ANKRD24: variants seen among roughly 807,000 people sequenced by gnomAD.
The protein encoded by ANKRD24 is ankyrin repeat domain 24.
ANKRD24 carries 109 observed loss-of-function variants against 127.8 expected under a neutral mutation model. The ratio of observed to expected loss-of-function variants is 0.85; its 90% CI spans 0.73 to 1.00. The LOEUF is 1.00. Among genes scored for constraint, ANKRD24 ranks in the 50% least tolerant of loss-of-function variants. ANKRD24 has a pLI of 0.00. For synonymous variants in ANKRD24, 743 were observed against 671.1 expected (o/e 1.11, Z -1.66); for missense variants, 1,648 against 1,570.2 (o/e 1.05, Z -0.84).
rs1342770939 is a variant in ANKRD24, at chr19:4,186,376, C to T, written c.-36-14C>T. On this transcript the variant is annotated splice_polypyrimidine_tract_variant and intron_variant, in intron 1 of 21. Transcript: ENST00000318934. ...TGGTGTCCCTCACCTTACCCCCACCCTTGCCCTCCTCAGGTGGCCTGTGGA... is the reference window on the plus strand; with the variant it reads ...TGGTGTCCCTCACCTTACCCCCACCTTTGCCCTCCTCAGGTGGCCTGTGGA... 1.9e-6 allele frequency: 3 copies of T among 1,562,828 alleles called. No individual in the cohort carries two copies. The highest frequency in any genetic ancestry group is 1.9e-5 in the Admixed American group (1 of 52,442).
chr19:4,198,524 T>C lies in ANKRD24; in HGVS notation c.37-1159T>C. 1 of 604,348 alleles carries C rather than the reference T, an allele frequency of 1.7e-6. No homozygotes were observed. Among genetic ancestry groups the C allele is most frequent in the Non-Finnish European group, 3.0e-6 (1 of 335,966 alleles). 37.4% of individuals were successfully genotyped at this position (604,348 alleles called of 1,614,324 possible). A position where few individuals can be genotyped will look rare whatever the true frequency, so the allele number is the denominator to read the frequency against. On this transcript the variant is annotated intron_variant, in intron 2 of 21. Transcript: ENST00000318934. The surrounding 1 kb of genome is among the most constrained non-coding windows in gnomAD (Gnocchi z 6.1). ...GCAGCTGTGTCTGTGCGCAGCCGCCTCCTTCGCGGTAGGGCCCGGGGAGGG... is the reference window on the plus strand; with the variant it reads ...GCAGCTGTGTCTGTGCGCAGCCGCCCCCTTCGCGGTAGGGCCCGGGGAGGG...
At chr19:4,205,740 C>T (rs1228664322) in intron 7 of ANKRD24, among the ~76,000 whole-genome samples, 4 of 152,058 alleles carry the variant, frequency 2.6e-5, no homozygotes, top group South Asian at 2.1e-4. Flanking sequence ...CCCAGCTACT[C>T]GGGAGGCTGA....
chr19:4,216,386 T>G lies in ANKRD24; in HGVS notation c.1373T>G (p.Leu458Arg). Residue 458 changes from leucine to arginine, a missense_variant, in exon 17 of 22, where the codon CTG becomes CGG. Leu to Arg is a moderately radical substitution (Grantham distance 102). Coordinates refer to ENST00000318934, the MANE Select transcript of ANKRD24 (RefSeq NM_001393985.1). ...GTGCTCACCAGACAGAACCAGGAAC[T>G]GATGGAGAAGGTCCAGGTAGGGAAA... is the stretch of plus-strand genomic sequence containing the variant. ...VAVLTRQNQE[L>R]MEKVQILENF... 1 of 1,571,282 alleles carries G rather than the reference T, an allele frequency of 6.4e-7. No homozygotes were observed. The highest frequency in any genetic ancestry group is 8.6e-7 in the Non-Finnish European group (1 of 1,158,342).
Position 4,217,869 on chromosome 19 carries a change from G to C in ANKRD24, c.2709G>C (p.Arg903=). 1 of 1,460,664 alleles carries C rather than the reference G, an allele frequency of 6.8e-7. No homozygotes were observed. The highest frequency in any genetic ancestry group is 1.3e-5 in the South Asian group (1 of 76,310). 90.5% of individuals were successfully genotyped at this position (1,460,664 alleles called of 1,614,324 possible). A position where few individuals can be genotyped will look rare whatever the true frequency, so the allele number is the denominator to read the frequency against. Reference sequence around the variant, plus strand: ...CGCGGCAGGGCCTGGCCGAGCTGCGGGAGGCCTCCGAGGCCCTCCGCCAGT... The same window carrying C: ...CGCGGCAGGGCCTGGCCGAGCTGCGCGAGGCCTCCGAGGCCCTCCGCCAGT... ...EEARQGLAEL[R]EASEALRQSV... Residue 903 remains arginine, a synonymous_variant, in exon 18 of 22, where the codon CGG becomes CGC. Transcript: ENST00000318934.
intron 13 of ANKRD24, 69 bp from the exon 14 acceptor site, chr19:4,212,406 T>C: frequency 6.6e-7 from 1 of 1,518,002 alleles, no homozygotes; most frequent in East Asian, 2.4e-5. Flanking sequence ...ATGGAGGCTA[T>C]GAAGCAGGAG....
chr19:4,197,039 G>C (rs1272019067), intron 2 of ANKRD24, among the ~76,000 whole-genome samples: 1 of 152,152 alleles, frequency 6.6e-6, no homozygotes, highest in Non-Finnish European at 1.5e-5. Flanking sequence ...CTGTATGCTA[G>C]GCACTGGTCG....
chr19:4,208,720 G>A (rs770512940), intron 10 of ANKRD24, 44 bp from the exon 11 acceptor site: 9 of 1,598,774 alleles, frequency 5.6e-6, no homozygotes, highest in Non-Finnish European at 7.7e-6. Context: ...GCCCTTCCTG[G>A]GCCTGGGAAC....
Position 4,198,262 on chromosome 19 carries a change from A to AGCCCCCT in ANKRD24, c.37-1420_37-1414dup. 2.2e-6 allele frequency: 1 copy of AGCCCCCT among 449,668 alleles called. No homozygotes were observed. The highest frequency in any genetic ancestry group is 3.7e-5 in the East Asian group (1 of 26,866). The allele number at this position is 449,668 out of a possible 1,614,324, so 27.9% of individuals were successfully genotyped here. On this transcript the variant is annotated intron_variant, in intron 2 of 21. Coordinates refer to ENST00000318934, the MANE Select transcript of ANKRD24 (RefSeq NM_001393985.1). The surrounding 1 kb of genome is among the most constrained non-coding windows in gnomAD (Gnocchi z 6.1). ...CCCCTTCCCTCAGCCCCCAGCCCCC[A>AGCCCCCT]GCCCCCTACCTGGGTCTTCCCATTC...
At chr19:4,200,448 A>G (rs1969036508) in intron 5 of ANKRD24, among the ~76,000 whole-genome samples, 1 of 151,860 alleles carries the variant, frequency 6.6e-6, no homozygotes, top group East Asian at 1.9e-4. Context: ...TGGATGGGGA[A>G]GTAGCTGGCA....
In ANKRD24 at chr19:4,217,478, G is replaced by T; in HGVS notation, c.2318G>T (p.Gly773Val). Residue 773 changes from glycine to valine, a missense_variant, in exon 18 of 22, where the codon GGC (glycine) becomes GTC (valine). By Grantham distance (109) the Gly-to-Val change is moderately radical (BLOSUM62 -3). Transcript: ENST00000318934. Reference protein sequence around the residue: ...RLRERVREAEGSGASGGGGGD... With the variant: ...RLRERVREAEVSGASGGGGGD... ...CGAGAGCGTGTCCGCGAGGCCGAGG[G>T]CAGCGGGGCCAGCGGGGGCGGTGGC... 1 of 1,440,204 alleles carries T rather than the reference G, an allele frequency of 6.9e-7. No individual in the cohort carries two copies. Among genetic ancestry groups the T allele is most frequent in the Non-Finnish European group, 9.1e-7 (1 of 1,101,502 alleles). 89.2% of individuals were successfully genotyped at this position (1,440,204 alleles called of 1,614,324 possible).
chr19:4,197,024 G>A (rs2145262346), intron 2 of ANKRD24, among the ~76,000 whole-genome samples: 1 of 152,272 alleles, frequency 6.6e-6, no homozygotes, highest in Admixed American at 6.5e-5. Flanking sequence ...TTTATGGTGC[G>A]CTTACTGTAT....
In ANKRD24 at chr19:4,195,135, C is replaced by T. The variant is rs192621705; in HGVS notation, c.37-4548C>T. ...TCACCCAGGTTGGAGTGCAGTGGCACGACTTCTGCTCACTGCAAGCTCCGC... is the reference window on the plus strand; with the variant it reads ...TCACCCAGGTTGGAGTGCAGTGGCATGACTTCTGCTCACTGCAAGCTCCGC... On this transcript the variant is annotated intron_variant, in intron 2 of 21. Transcript: ENST00000318934. This position sits in a 1 kb window ranked among gnomAD's most constrained non-coding sequence, Gnocchi z 4.2. Among the ~76,000 whole-genome samples, 43 of 152,004 alleles carry T rather than the reference C, an allele frequency of 2.8e-4. No homozygotes were observed. Among genetic ancestry groups the T allele is most frequent in the Non-Finnish European group, 5.1e-4 (35 of 68,000 alleles).
rs74787771 is a variant in ANKRD24 at position 4,210,828 on chromosome 19, A to T, written c.1059+456A>T. Among the ~76,000 whole-genome samples the T allele has an allele frequency of 3.7e-3, 290 of 77,430 alleles. 1 individual carries two copies. Among genetic ancestry groups the T allele is most frequent in the African/African-American group, 0.012 (263 of 21,962 alleles). The allele number at this position is 77,430 out of a possible 152,430, so 50.8% of individuals were successfully genotyped here. A position where few individuals can be genotyped will look rare whatever the true frequency, so the allele number is the denominator to read the frequency against. On this transcript the variant is annotated intron_variant, in intron 13 of 21. Coordinates refer to ENST00000318934, the MANE Select transcript of ANKRD24 (RefSeq NM_001393985.1). ...AGTTCACTTTATTTTTTTTTTATTT[A>T]TTTTTGGTTTTGTTTTGTTTTTGAG...
rs1181956065 is a variant in ANKRD24 at position 4,198,262 on chromosome 19, A to G, written c.37-1421A>G. The G allele has an allele frequency of 1.3e-5, 6 of 449,566 alleles. No homozygotes were observed. The Admixed American group carries it at 2.2e-4, about 17-fold the overall frequency. 27.8% of individuals were successfully genotyped at this position (449,566 alleles called of 1,614,324 possible). On this transcript the variant is annotated intron_variant, in intron 2 of 21. Coordinates refer to ENST00000318934, the MANE Select transcript of ANKRD24 (RefSeq NM_001393985.1). The surrounding 1 kb of genome is among the most constrained non-coding windows in gnomAD (Gnocchi z 6.1). ...CCCCTTCCCTCAGCCCCCAGCCCCC[A>G]GCCCCCTACCTGGGTCTTCCCATTC... is the stretch of plus-strand genomic sequence containing the variant.
rs1308481357 is a variant in ANKRD24 at position 4,223,394 on chromosome 19, TATA to T, written c.3297+600_3297+602del. On this transcript the variant is annotated intron_variant, in intron 20 of 21. Transcript: ENST00000318934. ...ATACATATATATATATATATATATA[TATA>T]TATATTTTTTTTTTTTTTTTTTTGA... Among the ~76,000 whole-genome samples the T allele has an allele frequency of 2.2e-3, 156 of 69,546 alleles. 3 individuals carry two copies. The highest frequency in any genetic ancestry group is 7.8e-3 in the Middle Eastern group (1 of 128). The allele number at this position is 69,546 out of a possible 152,430, so 45.6% of individuals were successfully genotyped here. A position where few individuals can be genotyped will look rare whatever the true frequency, so the allele number is the denominator to read the frequency against.
chr19:4,212,327 T>A, intron 13 of ANKRD24, 148 bp from the exon 14 acceptor site: 1 of 896,944 alleles, frequency 1.1e-6, no homozygotes, highest in African/African-American at 1.7e-5. Context: ...CACTCAATAG[T>A]AATGAGTGAG....
rs935073629 is a variant in ANKRD24, at chr19:4,216,088, G to A, written c.1270+38G>A. On this transcript the variant is annotated intron_variant, in intron 16 of 21. Coordinates refer to ENST00000318934, the MANE Select transcript of ANKRD24 (RefSeq NM_001393985.1). ...CTCCCCACGCACTCCCAGCCGCCTT[G>A]TCCCCTGGGGCCCTGGAAGACGGAG... The A allele has an allele frequency of 5.1e-6, 8 of 1,555,386 alleles. No individual in the cohort carries two copies. In the African/African-American group the frequency reaches 9.5e-5, roughly 19 times the overall value.
chr19:4,194,744 A>G (rs1968599757), intron 2 of ANKRD24, among the ~76,000 whole-genome samples: 1 of 152,224 alleles, frequency 6.6e-6, no homozygotes, highest in Admixed American at 6.5e-5. Context: ...GATGCATCCC[A>G]GAGGCAGAAC....
intron 16 of ANKRD24, 29 bp downstream of exon 16, chr19:4,216,079 A>G (rs1568338252): frequency 1.0e-5 from 16 of 1,567,670 alleles, no homozygotes; most frequent in African/African-American, 5.4e-5. Flanking sequence ...ACGCACTCCC[A>G]GCCGCCTTGT....
Sources: gnomAD v4.1 joint callset for allele counts (sites outside exome capture counted in the v4.1 genomes callset) on GRCh38, gnomAD v4.1.1 for gene constraint, Gnocchi (gnomAD v3.1) non-coding constraint, MANE v1.5 for transcripts, NCBI Gene and HGNC (gene_info 2026-07-23, HGNC 2026-07-21) for gene names.